DISC1: variants seen among roughly 807,000 people sequenced by gnomAD.
DISC1 encodes DISC1 scaffold protein.
Under a neutral mutation model 84.5 loss-of-function variants are expected in DISC1, and 57 were observed. That is an observed-to-expected ratio of 0.67 (90% CI 0.55 to 0.84). The LOEUF (loss-of-function observed/expected upper bound fraction) is 0.84, where lower values mean the gene tolerates loss of function less well. Among genes scored for constraint, DISC1 ranks in the 40% least tolerant of loss-of-function variants. The pLI is 0.00. For missense variants in DISC1, 1,000 were observed against 1,057.8 expected, an observed-to-expected ratio of 0.95 and a Z score of 0.76; for synonymous variants, 411 against 415.2, an observed-to-expected ratio of 0.99 and a Z score of 0.12.
At chr1:231,934,900 G>T (rs756816692) in intron 9 of DISC1, among the ~76,000 whole-genome samples, 1 of 152,122 alleles carries the variant, frequency 6.6e-6, no homozygotes, top group African/African-American at 2.4e-5. Flanking sequence ...TTTAGAGAGC[G>T]GTTTGGTGAA....
At chr1:231,659,933 G>A (rs191311674) in intron 1 of DISC1, among the ~76,000 whole-genome samples, 1 of 152,234 alleles carries the variant, frequency 6.6e-6, no homozygotes, top group East Asian at 1.9e-4. Flanking sequence ...TGTCAATGAG[G>A]AGAATGTATA....
At chr1:231,697,379 A>T (rs2065847934) in intron 2 of DISC1, among the ~76,000 whole-genome samples, 1 of 152,146 alleles carries the variant, frequency 6.6e-6, no homozygotes, top group South Asian at 2.1e-4. Flanking sequence ...GAATTCGTCT[A>T]CTTGCTAAAA....
At chr1:231,906,920 G>GT (rs552446777) in intron 9 of DISC1, among the ~76,000 whole-genome samples, 31 of 152,078 alleles carry the variant, frequency 2.0e-4, no homozygotes, top group Non-Finnish European at 3.8e-4. Flanking sequence ...TCTCGATGTG[G>GT]TTTTTAAGCC....
At chr1:231,689,756 G>A (rs961557741) in intron 1 of DISC1, among the ~76,000 whole-genome samples, 8 of 152,176 alleles carry the variant, frequency 5.3e-5, no homozygotes, top group Non-Finnish European at 7.3e-5. Flanking sequence ...ATTGTTTTAG[G>A]AATTATAAGG....
rs72758650 is a variant in DISC1 at position 231,791,420 on chromosome 1, A to G, written c.1635-3822A>G. ...AACCTCTCTTAGTCTCTTTGATGAA[A>G]TTTTCTTGTCTTACAATGTAGATAA... On this transcript the variant is annotated intron_variant, in intron 6 of 12. Transcript: ENST00000439617. Among the ~76,000 whole-genome samples, 174 of 152,190 alleles carry G rather than the reference A, an allele frequency of 1.1e-3. 1 individual carries two copies. The highest frequency in any genetic ancestry group is 2.0e-3 in the Non-Finnish European group (139 of 68,010).
At chr1:231,924,816 C>G (rs571250023) in intron 9 of DISC1, among the ~76,000 whole-genome samples, 7 of 152,116 alleles carry the variant, frequency 4.6e-5, no homozygotes, top group Admixed American at 3.3e-4. Context: ...GCCACCATGC[C>G]TGGCTAATTT....
intron 9 of DISC1, among the ~76,000 whole-genome samples, chr1:231,957,860 A>G (rs1395347123): frequency 6.6e-6 from 1 of 152,222 alleles, no homozygotes; most frequent in African/African-American, 2.4e-5. Flanking sequence ...TAGAAGTCTA[A>G]GAATCCCCAG....
intron 9 of DISC1, among the ~76,000 whole-genome samples, chr1:231,876,318 C>CT (rs2085885791): frequency 6.6e-6 from 1 of 152,198 alleles, no homozygotes; most frequent in Non-Finnish European, 1.5e-5. Flanking sequence ...TGCCTGGCCT[C>CT]TTTTTGCCTT....
chr1:231,861,830 A>T (rs1444347666), intron 9 of DISC1, among the ~76,000 whole-genome samples: 1 of 152,150 alleles, frequency 6.6e-6, no homozygotes, highest in East Asian at 1.9e-4. Context: ...ATAGTAGATT[A>T]CTTTCCCATT....
intron 9 of DISC1, among the ~76,000 whole-genome samples, chr1:231,926,419 A>G (rs2090361316): frequency 2.0e-5 from 3 of 152,218 alleles, no homozygotes; most frequent in South Asian, 4.1e-4. Context: ...AAGTATTGCA[A>G]CGTCAGTTAT....
intron 9 of DISC1, chr1:231,855,478 C>A: frequency 3.1e-6 from 3 of 954,600 alleles, no homozygotes; most frequent in Non-Finnish European, 3.7e-6. Context: ...AAATAACAAT[C>A]CTCCTTCCCA....
chr1:231,903,616 G>A (rs897434801), intron 9 of DISC1, among the ~76,000 whole-genome samples: 4 of 152,182 alleles, frequency 2.6e-5, no homozygotes, highest in Admixed American at 2.6e-4. Flanking sequence ...AGAGGCCTCC[G>A]CAAAAGCAGC....
rs1670674488 is a variant in DISC1, at chr1:232,039,026, C to G, written c.*2195C>G. Reference sequence around the variant, plus strand: ...TATGTGAATGTGCTGATTGTGTTCCCTATGGCTTTATCTCGAGCAAAATAC... The same window carrying G: ...TATGTGAATGTGCTGATTGTGTTCCGTATGGCTTTATCTCGAGCAAAATAC... On this transcript the variant is annotated 3_prime_UTR_variant, in exon 13 of 13. Coordinates refer to ENST00000439617, the MANE Select transcript of DISC1 (RefSeq NM_018662.3). 4 of 152,144 alleles carry G rather than the reference C, an allele frequency of 2.6e-5. No individual in the cohort carries two copies. Among genetic ancestry groups the G allele is most frequent in the Admixed American group, 1.3e-4 (2 of 15,264 alleles). 9.4% of individuals were successfully genotyped at this position (152,144 alleles called of 1,614,324 possible).
intron 10 of DISC1, 49 bp from the exon 11 acceptor site, chr1:232,008,736 G>T: frequency 6.6e-7 from 1 of 1,515,616 alleles, no homozygotes; most frequent in South Asian, 1.3e-5. Context: ...TTGGTATGAT[G>T]AAACATCACT....
chr1:231,666,156 G>T (rs1218136013), intron 1 of DISC1, among the ~76,000 whole-genome samples: 2 of 151,178 alleles, frequency 1.3e-5, no homozygotes, highest in Non-Finnish European at 2.9e-5. Context: ...TTTTTTTTTG[G>T]CACCCACATC....
chr1:231,894,491 C>T (rs572824504), intron 9 of DISC1, among the ~76,000 whole-genome samples: 1 of 151,816 alleles, frequency 6.6e-6, no homozygotes, highest in Non-Finnish European at 1.5e-5. Context: ...AATAAGATGA[C>T]TTTATCTTTT....
intron 9 of DISC1, among the ~76,000 whole-genome samples, chr1:231,956,675 A>G (rs1437229874): frequency 2.0e-5 from 3 of 152,204 alleles, no homozygotes; most frequent in African/African-American, 7.2e-5. Flanking sequence ...AATTATGTGC[A>G]AAATTCTGTG....
intron 10 of DISC1, among the ~76,000 whole-genome samples, chr1:232,001,877 T>C (rs1044047910): frequency 6.6e-6 from 1 of 152,126 alleles, no homozygotes; most frequent in Non-Finnish European, 1.5e-5. Flanking sequence ...AAAGGAAACA[T>C]TGATAAACTG....
chr1:231,790,989 G>A (rs572850374), intron 6 of DISC1, among the ~76,000 whole-genome samples: 11 of 152,250 alleles, frequency 7.2e-5, no homozygotes, highest in African/African-American at 1.4e-4. Flanking sequence ...CAACTCAACC[G>A]GTGACAGGCA....
Sources: gnomAD v4.1 joint callset for allele counts (sites outside exome capture counted in the v4.1 genomes callset) on GRCh38, gnomAD v4.1.1 for gene constraint, MANE v1.5 for transcripts, NCBI Gene and HGNC (gene_info 2026-07-23, HGNC 2026-07-21) for gene names.